NEBL: variants seen among roughly 807,000 people sequenced by gnomAD.
The protein encoded by NEBL is LIM and SH3 protein 2.
A neutral mutation model predicts 140.2 loss-of-function variants in NEBL; 122 were observed. The observed-to-expected ratio is 0.87, with a 90% confidence interval of 0.75 to 1.01. The LOEUF is 1.01. Ranked by LOEUF, NEBL falls within the 50% of genes least tolerant of loss-of-function variation. The probability of loss-of-function intolerance (pLI) is 0.00; values close to 1 mark genes in which losing one functional copy is unlikely to be tolerated. For synonymous variants in NEBL, 436 were observed against 398.9 expected (o/e 1.09, Z -1.11); for missense variants, 1,365 against 1,231.3 (o/e 1.11, Z -1.62).
chr10:20,847,969 A>C (rs1300006808), intron 11 of NEBL, among the ~76,000 whole-genome samples: 1 of 152,210 alleles, frequency 6.6e-6, no homozygotes, highest in African/African-American at 2.4e-5. Context: ...TGTAAAATTA[A>C]ATGAGTGCTG....
chr10:21,219,860 G>GTT (rs11333216), intron 3 of NEBL, among the ~76,000 whole-genome samples: 1,386 of 128,916 alleles, frequency 0.011, 21 homozygotes, highest in African/African-American at 0.037. Context: ...ATTTTCTTGG[G>GTT]TTTTTTTTTT....
intron 1 of NEBL, among the ~76,000 whole-genome samples, chr10:21,261,237 A>C (rs1842736574): frequency 6.6e-6 from 1 of 152,198 alleles, no homozygotes. Flanking sequence ...TGCTCTGCTA[A>C]ATGTCACTGA....
Position 20,840,738 on chromosome 10 carries a change from C to T in NEBL, c.1338+1G>A. 2 of 1,591,974 alleles carry T rather than the reference C, an allele frequency of 1.3e-6. No individual in the cohort carries two copies. Among genetic ancestry groups the T allele is most frequent in the Non-Finnish European group, 8.6e-7 (1 of 1,160,446 alleles). On this transcript the variant is annotated splice_donor_variant, in intron 13 of 27. Coordinates refer to ENST00000377122, the MANE Select transcript of NEBL (RefSeq NM_006393.3). LOFTEE classifies it high-confidence loss of function. ...CTAAGGTGTTAAATAAACATACTCA[C>T]CTCACTTGCCATTTCAGAGGCTCGC... is the stretch of plus-strand genomic sequence containing the variant.
At chr10:20,987,151 G>A (rs371805745) in intron 3 of NEBL, among the ~76,000 whole-genome samples, 33 of 151,552 alleles carry the variant, frequency 2.2e-4, no homozygotes, top group African/African-American at 7.8e-4. Context: ...TATCTGTACC[G>A]ACCGTTATGG....
chr10:21,037,110 G>A (rs1458136015), intron 2 of NEBL, among the ~76,000 whole-genome samples: 6 of 152,064 alleles, frequency 3.9e-5, no homozygotes, highest in Non-Finnish European at 7.3e-5. Context: ...CAGGAATCAG[G>A]ACTTCCCCAT....
chr10:20,983,484 T>C (rs1423341770), intron 3 of NEBL, among the ~76,000 whole-genome samples: 5 of 152,204 alleles, frequency 3.3e-5, no homozygotes, highest in African/African-American at 1.2e-4. Context: ...ACAGTGAATC[T>C]GGAAAAACCT....
intron 3 of NEBL, among the ~76,000 whole-genome samples, chr10:21,225,315 G>C (rs910054511): frequency 2.6e-5 from 4 of 152,146 alleles, no homozygotes; most frequent in African/African-American, 9.7e-5. Flanking sequence ...CCATGACTGG[G>C]ACTTCCCTAG....
At chr10:20,858,855 T>A (rs946767160) in intron 8 of NEBL, among the ~76,000 whole-genome samples, 2 of 152,150 alleles carry the variant, frequency 1.3e-5, no homozygotes, top group African/African-American at 4.8e-5. Flanking sequence ...AAGTATTGAA[T>A]CTCCACAATA....
rs996250448 is a variant in NEBL at position 21,191,789 on chromosome 10, T to C, written n.349-19312A>G. ...CCAAATCTCATCAATTTCAGAATCA[T>C]TTTCCCAGCCCCTCCCTTTGTAAAT... is the stretch of plus-strand genomic sequence containing the variant. On this transcript the variant is annotated intron_variant and non_coding_transcript_variant, in intron 3 of 8. Transcript: ENST00000675702. 4.6e-5 allele frequency among the ~76,000 whole-genome samples: 7 copies of C among 152,178 alleles called. No individual in the cohort carries two copies. The East Asian group carries it at 1.3e-3, about 29-fold the overall frequency.
intron 2 of NEBL, among the ~76,000 whole-genome samples, chr10:21,120,387 A>AT (rs1838485978): frequency 1.5e-5 from 1 of 68,746 alleles, no homozygotes; most frequent in African/African-American, 1.0e-4. Flanking sequence ...AAAAAAAAAA[A>AT]AAATACATAT....
intron 3 of NEBL, among the ~76,000 whole-genome samples, chr10:21,190,359 C>T (rs1841551200): frequency 1.3e-5 from 2 of 152,096 alleles, no homozygotes; most frequent in South Asian, 4.1e-4. Flanking sequence ...GTGGTGCATG[C>T]CTTAGTCCCA....
At chr10:21,021,421 A>G (rs1017468375) in intron 2 of NEBL, among the ~76,000 whole-genome samples, 2 of 152,152 alleles carry the variant, frequency 1.3e-5, no homozygotes, top group Admixed American at 6.5e-5. Flanking sequence ...CAAGGCCCCC[A>G]TGGCCAGGCC....
intron 5 of NEBL, among the ~76,000 whole-genome samples, chr10:20,871,799 T>C (rs973626026): frequency 2.0e-5 from 3 of 152,236 alleles, no homozygotes; most frequent in Admixed American, 6.5e-5. Context: ...AGTTATTTTG[T>C]TGGGTGGATT....
In NEBL at chr10:20,963,045, C is replaced by G. The variant is rs1478619593; in HGVS notation, c.250-1266G>C. Among the ~76,000 whole-genome samples, 4 of 138,794 alleles carry G rather than the reference C, an allele frequency of 2.9e-5. No individual in the cohort carries two copies. The East Asian group carries it at 8.6e-4, about 30-fold the overall frequency. The allele number at this position is 138,794 out of a possible 152,430, so 91.1% of individuals were successfully genotyped here. A position where few individuals can be genotyped will look rare whatever the true frequency, so the allele number is the denominator to read the frequency against. Reference sequence around the variant, plus strand: ...ACACACACACACACACACACACACACACGGAAATCTAGATACTCTCATCGC... The same window carrying G: ...ACACACACACACACACACACACACAGACGGAAATCTAGATACTCTCATCGC... On this transcript the variant is annotated intron_variant, in intron 3 of 6. Coordinates refer to the NEBL transcript ENST00000417816.
chr10:20,942,818 G>A (rs1834950978), intron 4 of NEBL, among the ~76,000 whole-genome samples: 1 of 152,178 alleles, frequency 6.6e-6, no homozygotes, highest in Non-Finnish European at 1.5e-5. Context: ...CATTTATGCA[G>A]CCAAAAGACA....
In NEBL at chr10:21,286,707, A is replaced by C. The variant is rs769020892; in HGVS notation, n.182+6123T>G. On this transcript the variant is annotated intron_variant and non_coding_transcript_variant, in intron 1 of 8. Coordinates refer to the NEBL transcript ENST00000675702. ...AAATTAGCCAGGCGTGGTGGTGGGC[A>C]CCTGTAGTCCCAGTTACTCGGGAGG... Among the ~76,000 whole-genome samples, 60 of 152,214 alleles carry C rather than the reference A, an allele frequency of 3.9e-4. No homozygotes were observed. The Middle Eastern group carries it at 0.014, about 35-fold the overall frequency.
intron 1 of NEBL, among the ~76,000 whole-genome samples, chr10:21,265,283 G>A (rs577320289): frequency 3.3e-5 from 5 of 152,136 alleles, no homozygotes; most frequent in African/African-American, 9.6e-5. Context: ...ACTTCCCAAA[G>A]GCCCCACCTC....
rs193067506 is a variant in NEBL at position 21,271,609 on chromosome 10, T to A, written n.183-19781A>T. Among the ~76,000 whole-genome samples the A allele has an allele frequency of 2.3e-4, 34 of 149,030 alleles. No homozygotes were observed. The East Asian group carries it at 6.8e-3, about 30-fold the overall frequency. ...ATTACGATCTCGGCTCACTGCAACC[T>A]CCACCTCCCAGGTTCAAGCGATTCT... is the stretch of plus-strand genomic sequence containing the variant. On this transcript the variant is annotated intron_variant and non_coding_transcript_variant, in intron 1 of 8. Coordinates refer to the NEBL transcript ENST00000675702.
In NEBL at chr10:21,082,535, T is replaced by TAAAAAAAAAAAAAAA. The variant is rs61234594; in HGVS notation, c.165-62349_165-62335dup. 1.3e-3 allele frequency among the ~76,000 whole-genome samples: 152 copies of TAAAAAAAAAAAAAAA among 117,248 alleles called. 6 individuals carry two copies. Among genetic ancestry groups the TAAAAAAAAAAAAAAA allele is most frequent in the African/African-American group, 4.1e-3 (103 of 25,244 alleles). The allele number at this position is 117,248 out of a possible 152,430, so 76.9% of individuals were successfully genotyped here. On this transcript the variant is annotated intron_variant, in intron 2 of 6. Coordinates refer to the NEBL transcript ENST00000417816. ...AGTTTGAAGTGTTCCCCACCACCACTAAAAAAAAAAAAAAAAAAAAAAAAA... is the reference window on the plus strand; with the variant it reads ...AGTTTGAAGTGTTCCCCACCACCACTAAAAAAAAAAAAAAAAAAAAAAAAAAAAAAAAAAAAAAAA...
Sources: allele counts gnomAD v4.1 joint callset (sites outside exome capture counted in the v4.1 genomes callset), GRCh38; gene constraint gnomAD v4.1.1; transcripts MANE v1.5; gene names NCBI Gene and HGNC (gene_info 2026-07-23, HGNC 2026-07-21).